The following PPP1R12C variants were observed in gnomAD, a reference collection of about 807,000 sequenced individuals.
The protein encoded by PPP1R12C is leukocyte receptor cluster (LRC) encoded novel gene 3.
Under a neutral mutation model 95.6 loss-of-function variants are expected in PPP1R12C, and 48 were observed. That is an observed-to-expected ratio of 0.50 (90% CI 0.40 to 0.64). The LOEUF (loss-of-function observed/expected upper bound fraction) is 0.64. Among genes scored for constraint, PPP1R12C ranks in the 30% least tolerant of loss-of-function variants. The probability of loss-of-function intolerance (pLI) is 0.00; values close to 1 mark genes in which losing one functional copy is unlikely to be tolerated. For synonymous variants in PPP1R12C, 480 were observed against 460.8 expected (o/e 1.04, Z -0.53); for missense variants, 1,057 against 1,083.3 (o/e 0.98, Z 0.34).
chr19:55,092,725 C>G, intron 16 of PPP1R12C, 58 bp downstream of exon 16: 1 of 1,531,484 alleles, frequency 6.5e-7, no homozygotes, highest in Non-Finnish European at 8.8e-7. Context: ...ATGGGAAGGG[C>G]TTTGCCCGCC....
Position 55,094,658 on chromosome 19 carries a change from C to A in PPP1R12C, c.1592+3G>T. The A allele has an allele frequency of 6.3e-7, 1 of 1,583,494 alleles. No homozygotes were observed. ...CGGCAGCTTCCTGCCCTGGCCTCTTCACCTCCGTCGGTCCCGGGAGTCCGC... is the reference window on the plus strand; with the variant it reads ...CGGCAGCTTCCTGCCCTGGCCTCTTAACCTCCGTCGGTCCCGGGAGTCCGC... On this transcript the variant is annotated splice_donor_region_variant and intron_variant, in intron 12 of 21. Transcript: ENST00000263433.
intron 13 of PPP1R12C, 48 bp downstream of exon 13, chr19:55,094,297 C>G: frequency 8.6e-7 from 1 of 1,164,856 alleles, no homozygotes; most frequent in South Asian, 1.4e-5. Flanking sequence ...CAGGCCCCAG[C>G]CCCTCCTCCC....
chr19:55,116,038 TG>T (rs1240339681), intron 1 of PPP1R12C, among the ~76,000 whole-genome samples: 1 of 149,628 alleles, frequency 6.7e-6, no homozygotes, highest in Non-Finnish European at 1.5e-5. Context: ...ATGAAAGGAG[TG>T]AGAGGTGACC....
In PPP1R12C at chr19:55,092,257, C is replaced by T. The variant is rs1208147077; in HGVS notation, c.2125G>A (p.Ala709Thr). ...CGCTCCAGCTCCACCTTGAGCTGCG[C>T]CAGCCGCAGCGTGGTCTCGGTCAGG... is the stretch of plus-strand genomic sequence containing the variant. ...EALTETTLRL[A>T]QLKVELERAT... Residue 709 changes from alanine (A) to threonine (T), a missense_variant, in exon 19 of 22, where the codon GCG becomes ACG. Physicochemically the swap from Ala to Thr is moderately conservative, Grantham distance 58 (BLOSUM62 0). This residue lies in a region of PPP1R12C where 347 missense variants were observed against 307.9 expected (regional missense o/e 1.13). Coordinates refer to ENST00000263433, the MANE Select transcript of PPP1R12C (RefSeq NM_017607.4). The T allele has an allele frequency of 6.3e-7, 1 of 1,594,620 alleles. No homozygotes were observed. The highest frequency in any genetic ancestry group is 1.3e-5 in the African/African-American group (1 of 74,688).
In PPP1R12C at chr19:55,092,822, C is replaced by T. The variant is rs2084862234; in HGVS notation, c.1872G>A (p.Glu624=). 4 of 1,565,458 alleles carry T rather than the reference C, an allele frequency of 2.6e-6. No homozygotes were observed. The highest frequency in any genetic ancestry group is 3.5e-6 in the Non-Finnish European group (4 of 1,155,302). ...TCCACTCCTTTCCGACCTTGCGGTG[C>T]TCCCTGGCCGCCTGCGGTCCCGGAC... ...GQGPGPQAAR[E]HRKVGKEWRG... The change falls in exon 16 of 22, where the codon GAG becomes GAA. Residue 624 remains glutamate, a synonymous_variant. Transcript: ENST00000263433.
Position 55,117,334 on chromosome 19 carries a change from C to T in PPP1R12C, c.210G>A (p.Met70Ile). Residue 70 changes from methionine to isoleucine, a missense_variant, in exon 1 of 22, where the codon ATG becomes ATA. Coordinates refer to ENST00000263433, the MANE Select transcript of PPP1R12C (RefSeq NM_017607.4). ...CGGGGCCAGGGTCGGCGGCGCGCAGCATCAGACGCGCCTCGTCCAGGTCGC... is the reference window on the plus strand; with the variant it reads ...CGGGGCCAGGGTCGGCGGCGCGCAGTATCAGACGCGCCTCGTCCAGGTCGC... Reference protein sequence around the residue: ...AGGDLDEARLMLRAADPGPGA... With the variant: ...AGGDLDEARLILRAADPGPGA... The T allele has an allele frequency of 8.6e-7, 1 of 1,167,150 alleles. No homozygotes were observed. The highest frequency in any genetic ancestry group is 1.1e-6 in the Non-Finnish European group (1 of 947,964). The allele number at this position is 1,167,150 out of a possible 1,614,324, so 72.3% of individuals were successfully genotyped here. A position where few individuals can be genotyped will look rare whatever the true frequency, so the allele number is the denominator to read the frequency against.
At chr19:55,099,232 G>T in intron 4 of PPP1R12C, 137 bp from the exon 5 acceptor site, 1 of 1,028,034 alleles carries the variant, frequency 9.7e-7, no homozygotes, top group Non-Finnish European at 1.4e-6. Flanking sequence ...AAGAGCCACT[G>T]CCCAGCATCC....
chr19:55,113,649 T>C, intron 1 of PPP1R12C: 1 of 1,226,336 alleles, frequency 8.2e-7, no homozygotes, highest in Non-Finnish European at 1.0e-6. Context: ...ACGGGATAAA[T>C]TACCCCCCAA....
intron 3 of PPP1R12C, among the ~76,000 whole-genome samples, chr19:55,106,876 T>A (rs2085044274): frequency 2.0e-5 from 3 of 152,150 alleles, no homozygotes; most frequent in Admixed American, 2.0e-4. Flanking sequence ...GGAGCTGCCA[T>A]CTGACCAAGG....
chr19:55,099,188 C>T (rs2147191180), intron 4 of PPP1R12C, 93 bp from the exon 5 acceptor site: 1 of 1,379,468 alleles, frequency 7.2e-7, no homozygotes, highest in South Asian at 1.5e-5. Flanking sequence ...AGGTCCCAGG[C>T]CACGAGACTG....
At chr19:55,098,405 G>C (rs565210012) in intron 6 of PPP1R12C, among the ~76,000 whole-genome samples, 2 of 152,342 alleles carry the variant, frequency 1.3e-5, no homozygotes, top group East Asian at 3.9e-4. Flanking sequence ...AGGCTGCCCC[G>C]GGGATGGCTG....
chr19:55,091,227 G>A lies in PPP1R12C; in HGVS notation c.*245C>T, dbSNP rs1464357941. The A allele has an allele frequency of 2.0e-5, 11 of 562,074 alleles. No homozygotes were observed. The highest frequency in any genetic ancestry group is 9.4e-5 in the Admixed American group (3 of 31,846). The allele number at this position is 562,074 out of a possible 1,614,324, so 34.8% of individuals were successfully genotyped here. A position where few individuals can be genotyped will look rare whatever the true frequency, so the allele number is the denominator to read the frequency against. On this transcript the variant is annotated 3_prime_UTR_variant, in exon 22 of 22. Transcript: ENST00000263433. ...TGGTCCTCAGTTCCTTCCTGGTCCC[G>A]TCTCTGGCCCTGGTCCCCTCTGGCA...
At position 55,098,948 on chromosome 19, in the gene PPP1R12C, C is replaced by A; in HGVS notation, c.876+3G>T. 1 of 1,584,550 alleles carries A rather than the reference C, an allele frequency of 6.3e-7. No individual in the cohort carries two copies. The highest frequency in any genetic ancestry group is 8.6e-7 in the Non-Finnish European group (1 of 1,165,318). Reference sequence around the variant, plus strand: ...CCTCACCAGCCTGGGCACTGGCCCTCACCGCATGGGTCAGTGAGTCCATGC... The same window carrying A: ...CCTCACCAGCCTGGGCACTGGCCCTAACCGCATGGGTCAGTGAGTCCATGC... On this transcript the variant is annotated splice_donor_region_variant and intron_variant, in intron 5 of 21. Coordinates refer to ENST00000263433, the MANE Select transcript of PPP1R12C (RefSeq NM_017607.4).
chr19:55,106,348 T>A (rs1245347208), intron 3 of PPP1R12C, among the ~76,000 whole-genome samples: 2 of 151,984 alleles, frequency 1.3e-5, no homozygotes, highest in African/African-American at 4.8e-5. Context: ...TGCCCAGGAG[T>A]GGAACTGCTA....
At chr19:55,110,814 T>A (rs1377309001) in intron 3 of PPP1R12C, among the ~76,000 whole-genome samples, 1 of 146,612 alleles carries the variant, frequency 6.8e-6, no homozygotes, top group African/African-American at 2.6e-5. Flanking sequence ...GAGGTTGCAG[T>A]GAGCCGAAAT....
At chr19:55,105,032 A>C (rs1317815441) in intron 3 of PPP1R12C, among the ~76,000 whole-genome samples, 1 of 149,380 alleles carries the variant, frequency 6.7e-6, no homozygotes, top group African/African-American at 2.5e-5. Flanking sequence ...GGCCTCCCAA[A>C]GTGCTGAAAT....
intron 1 of PPP1R12C, among the ~76,000 whole-genome samples, chr19:55,116,974 G>A (rs1294764382): frequency 6.6e-6 from 1 of 152,204 alleles, no homozygotes; most frequent in African/African-American, 2.4e-5. Context: ...ATGGTAAGGA[G>A]GCCTGGGGCA....
chr19:55,113,838 G>C (rs1484010500), intron 1 of PPP1R12C: 1 of 203,264 alleles, frequency 4.9e-6, no homozygotes. Flanking sequence ...GGGGCAAGGA[G>C]AGCAATGGGC....
chr19:55,092,399 G>C, intron 18 of PPP1R12C, 43 bp downstream of exon 18: 1 of 1,577,590 alleles, frequency 6.3e-7, no homozygotes, highest in Admixed American at 1.8e-5. Flanking sequence ...CAGGAAGCTG[G>C]GCACCCAGCA....
Sources: gnomAD v4.1 joint callset for allele counts (sites outside exome capture counted in the v4.1 genomes callset) on GRCh38, gnomAD v4.1.1 for gene constraint, gnomAD v4.1.1 regional missense constraint, MANE v1.5 for transcripts, NCBI Gene and HGNC (gene_info 2026-07-23, HGNC 2026-07-21) for gene names.